The following RIF1 variants were observed in gnomAD, a reference collection of about 807,000 sequenced individuals.
RIF1 encodes replication timing regulatory factor 1.
RIF1 carries 45 observed loss-of-function variants against 247.1 expected under a neutral mutation model. The observed-to-expected ratio is 0.18, with a 90% CI of 0.14 to 0.23. RIF1 has a LOEUF of 0.23. RIF1 is among the 10% of genes least tolerant of loss of function. RIF1 has a pLI of 1.00. For missense variants in RIF1, 2,967 were observed against 2,862.5 expected (o/e 1.04, Z -0.83); for synonymous variants, 1,087 against 978.8 (o/e 1.11, Z -2.06).
At chr2:151,456,036 A>G (rs1695140316) in intron 22 of RIF1, among the ~76,000 whole-genome samples, 1 of 152,184 alleles carries the variant, frequency 6.6e-6, no homozygotes, top group African/African-American at 2.4e-5. Flanking sequence ...AAATTGAATT[A>G]ATTTTGCATC....
rs1417796225 is a variant in RIF1 at position 151,465,306 on chromosome 2, G to A, written c.5786G>A (p.Gly1929Glu). The A allele has an allele frequency of 6.2e-7, 1 of 1,613,616 alleles. No individual in the cohort carries two copies. The highest frequency in any genetic ancestry group is 8.5e-7 in the Non-Finnish European group (1 of 1,179,966). ...LNVGNEASFH[G>E]QERTKTGISE... Reference sequence around the variant, plus strand: ...GTAGGAAATGAAGCTAGCTTTCATGGACAAGAGAGAACCAAAACTGGTATT... The same window carrying A: ...GTAGGAAATGAAGCTAGCTTTCATGAACAAGAGAGAACCAAAACTGGTATT... The change falls in exon 30 of 36, where the codon GGA becomes GAA. Residue 1929 changes from glycine to glutamate, a missense_variant. This residue lies in a region of RIF1 where 2,028 missense variants were observed against 1,825.6 expected (regional missense o/e 1.11). Transcript: ENST00000444746.
At chr2:151,461,409 T>TTTG in intron 27 of RIF1, 120 bp downstream of exon 27, 1 of 826,718 alleles carries the variant, frequency 1.2e-6, no homozygotes, top group Non-Finnish European at 1.8e-6. Context: ...TTTTTTTTTT[T>TTTG]GACACGGAGT....
intron 24 of RIF1, among the ~76,000 whole-genome samples, chr2:151,458,458 T>C (rs1169342518): frequency 6.6e-6 from 1 of 151,926 alleles, no homozygotes; most frequent in Non-Finnish European, 1.5e-5. Flanking sequence ...CGTCTCAATC[T>C]CCTGACCTCG....
chr2:151,499,415 G>GA lies in RIF1; in HGVS notation c.*590dup, dbSNP rs527640575. ...CCTGTATGACACAAGAAAGCATCCA[G>GA]AAAAAACAAGAGCAGTCAAAACAGC... On this transcript the variant is annotated 3_prime_UTR_variant and NMD_transcript_variant, in exon 11 of 14. Transcript: ENST00000454583. 4,130 of 1,354,148 alleles carry GA rather than the reference G, an allele frequency of 3.0e-3. 10 individuals carry two copies. Among genetic ancestry groups the GA allele is most frequent in the Middle Eastern group, 5.4e-3 (30 of 5,588 alleles). The allele number at this position is 1,354,148 out of a possible 1,614,324, so 83.9% of individuals were successfully genotyped here. A position where few individuals can be genotyped will look rare whatever the true frequency, so the allele number is the denominator to read the frequency against.
intron 10 of RIF1, chr2:151,497,512 A>C: frequency 1.3e-6 from 2 of 1,496,588 alleles, no homozygotes; most frequent in Non-Finnish European, 1.8e-6. Flanking sequence ...TTGCTAAAGA[A>C]ATTCACAAAA....
At chr2:151,421,602 G>T (rs1271606457) in intron 7 of RIF1, among the ~76,000 whole-genome samples, 1 of 152,154 alleles carries the variant, frequency 6.6e-6, no homozygotes, top group Non-Finnish European at 1.5e-5. Context: ...TTGAGACAAG[G>T]TCTCACTATA....
At chr2:151,490,324 A>G (rs1398028761) in intron 9 of RIF1, 52 of 1,563,960 alleles carry the variant, frequency 3.3e-5, no homozygotes, top group Middle Eastern at 1.7e-4. Flanking sequence ...GTAACCATCA[A>G]TGAGCTGGCC....
In RIF1 at chr2:151,467,981, TC is replaced by T; in HGVS notation, c.6601-17del. On this transcript the variant is annotated intron_variant, in intron 30 of 35. Transcript: ENST00000444746. ...AAAACTTTAATTTTGTTAAGTAAAA[TC>T]CTGACCTGTGTTTTCAGGTTCGCCG... The T allele has an allele frequency of 1.3e-6, 2 of 1,588,772 alleles. No homozygotes were observed. The highest frequency in any genetic ancestry group is 8.5e-7 in the Non-Finnish European group (1 of 1,170,892).
At chr2:151,426,150 G>T (rs1166378497) in intron 8 of RIF1, among the ~76,000 whole-genome samples, 1 of 126,766 alleles carries the variant, frequency 7.9e-6, no homozygotes, top group Non-Finnish European at 1.7e-5. Flanking sequence ...TTATTTTTCA[G>T]GATTGTTTTG....
Position 151,477,714 on chromosome 2 carries a change from TC to T in RIF1, c.*2644del, listed in dbSNP as rs1450397604. 4 of 150,446 alleles carry T rather than the reference TC, an allele frequency of 2.7e-5. No individual in the cohort carries two copies. Among genetic ancestry groups the T allele is most frequent in the Non-Finnish European group, 5.9e-5 (4 of 68,112 alleles). 9.3% of individuals were successfully genotyped at this position (150,446 alleles called of 1,614,324 possible). On this transcript the variant is annotated 3_prime_UTR_variant, in exon 36 of 36. Transcript: ENST00000444746. Reference sequence around the variant, plus strand: ...CGTGAGCCACCCCACCTGGCCATTTTCTTTTTTTTTTGAGGTGGAGTTTTCG... The same window carrying T: ...CGTGAGCCACCCCACCTGGCCATTTTTTTTTTTTTTGAGGTGGAGTTTTCG...
At chr2:151,515,616 A>T in the RIF1 span, among the ~76,000 whole-genome samples, 6 of 152,180 alleles carry the variant, frequency 3.9e-5, no homozygotes, top group Admixed American at 3.3e-4. Flanking sequence ...TCTCCTCTCC[A>T]GTCTCCAGAC....
At chr2:151,423,691 T>TTATATAATAG (rs1688536254) in intron 8 of RIF1, 1 of 152,250 alleles carries the variant, frequency 6.6e-6, no homozygotes, top group Admixed American at 6.5e-5. Context: ...AATTTAGTGT[T>TTATATAATAG]CAAGGCTACT....
At chr2:151,449,886 A>C (rs1244472427) in intron 20 of RIF1, among the ~76,000 whole-genome samples, 1 of 142,458 alleles carries the variant, frequency 7.0e-6, no homozygotes, top group African/African-American at 2.6e-5. Flanking sequence ...CTTGTTGTCC[A>C]GGCTGGAGTG....
chr2:151,488,676 T>C (rs1472368794), intron 9 of RIF1, among the ~76,000 whole-genome samples: 1 of 152,024 alleles, frequency 6.6e-6, no homozygotes, highest in African/African-American at 2.4e-5. Context: ...TCTGTATTAT[T>C]CTTTGTACTT....
chr2:151,474,953 A>T lies in RIF1; in HGVS notation c.7301A>T (p.His2434Leu). 1.2e-6 allele frequency: 2 copies of T among 1,611,952 alleles called. No homozygotes were observed. The highest frequency in any genetic ancestry group is 1.7e-6 in the Non-Finnish European group (2 of 1,178,078). Reference sequence around the variant, plus strand: ...CTTCAGCTGGATTCAGAAGATCTTCATAATTATTCAGGAAGCCAACTATTT... The same window carrying T: ...CTTCAGCTGGATTCAGAAGATCTTCTTAATTATTCAGGAAGCCAACTATTT... ...LALQLDSEDL[H>L]NYSGSQLFEM... The change falls in exon 36 of 36, where the codon CAT (histidine) becomes CTT (leucine). Residue 2434 changes from histidine to leucine, a missense_variant. This residue lies in a region of RIF1 where 151 missense variants were observed against 163.4 expected (regional missense o/e 0.92). Coordinates refer to ENST00000444746, the MANE Select transcript of RIF1 (RefSeq NM_018151.5).
chr2:151,463,114 CAGT>C lies in RIF1; in HGVS notation c.3598_3600del (p.Ser1201del), dbSNP rs1296023727. ...GTACAGAAAATTCTTTCGTTGTCAG[CAGT>C]AGTTCAGTTTCTAATACCACTGTTG... On this transcript the variant is annotated inframe_deletion, in exon 30 of 36. Coordinates refer to ENST00000444746, the MANE Select transcript of RIF1 (RefSeq NM_018151.5). 4.3e-6 allele frequency: 7 copies of C among 1,613,756 alleles called. No homozygotes were observed. The highest frequency in any genetic ancestry group is 1.3e-5 in the African/African-American group (1 of 74,908).
At chr2:151,411,582 G>A (rs1181491066) in intron 3 of RIF1, among the ~76,000 whole-genome samples, 1 of 152,002 alleles carries the variant, frequency 6.6e-6, no homozygotes, top group Non-Finnish European at 1.5e-5. Context: ...TGTATTTTTA[G>A]TAGAGAAGGG....
Position 151,437,102 on chromosome 2 carries a change from T to A in RIF1, c.1372+99T>A, listed in dbSNP as rs552490984. 8.0e-6 allele frequency: 10 copies of A among 1,256,918 alleles called. No individual in the cohort carries two copies. The Admixed American group carries it at 1.2e-4, about 16-fold the overall frequency. The allele number at this position is 1,256,918 out of a possible 1,614,324, so 77.9% of individuals were successfully genotyped here. ...TGTTATTTTGTCGCAGCCAAAATAT[T>A]TTACAGTTGTGTATGAAATATGAAT... On this transcript the variant is annotated intron_variant, in intron 12 of 35. Coordinates refer to ENST00000444746, the MANE Select transcript of RIF1 (RefSeq NM_018151.5).
At chr2:151,443,175 A>G (rs899173549) in intron 16 of RIF1, 84 bp from the exon 17 acceptor site, 2 of 901,226 alleles carry the variant, frequency 2.2e-6, no homozygotes, top group Non-Finnish European at 3.5e-6. Context: ...TGCTAAAACA[A>G]TTTTATTTCT....
Sources: allele counts gnomAD v4.1 joint callset (sites outside exome capture counted in the v4.1 genomes callset), GRCh38; gene constraint gnomAD v4.1.1; regional missense constraint gnomAD v4.1.1; transcripts MANE v1.5; gene names NCBI Gene and HGNC (gene_info 2026-07-23, HGNC 2026-07-21).